MSH3: variants seen among roughly 807,000 people sequenced by gnomAD.
MSH3 encodes the protein mutS homolog 3.
In MSH3, 106 loss-of-function variants were observed where a neutral mutation model predicts 123.3. The observed-to-expected ratio is 0.86, with a 90% CI of 0.73 to 1.01. The LOEUF (loss-of-function observed/expected upper bound fraction) is 1.01, where lower values mean the gene tolerates loss of function less well. MSH3 is among the 50% of genes least tolerant of loss of function. The pLI, the probability that MSH3 is intolerant of heterozygous loss-of-function variation, is 0.00. For synonymous variants in MSH3, 515 were observed against 481.4 expected (o/e 1.07, Z -0.91); for missense variants, 1,459 against 1,347.6 (o/e 1.08, Z -1.29).
chr5:80,755,114 A>C (rs1743902560), intron 12 of MSH3, among the ~76,000 whole-genome samples: 1 of 152,120 alleles, frequency 6.6e-6, no homozygotes, highest in South Asian at 2.1e-4. Context: ...TGCGTAATTG[A>C]GAGCTGTGTT....
intron 10 of MSH3, among the ~76,000 whole-genome samples, chr5:80,729,448 GTGTGTGTGTGTGTA>G (rs1743369869): frequency 7.7e-6 from 1 of 129,784 alleles, no homozygotes; most frequent in Admixed American, 8.1e-5. Context: ...GTGTGTGTGT[GTGTGTGTGTGTGTA>G]TATATATATA....
At position 80,794,348 on chromosome 5, in the gene MSH3, A is replaced by G. The variant is rs1744661364; in HGVS notation, c.2655+1504A>G. 2.0e-5 allele frequency among the ~76,000 whole-genome samples: 3 copies of G among 152,238 alleles called. 1 individual carries two copies. In the South Asian group the frequency reaches 6.2e-4, roughly 32 times the overall value. ...ATGCAGCCTTGAGCTGTTAGAAACT[A>G]TGCTAGTGGGGTAACTTCTAAGTAG... On this transcript the variant is annotated intron_variant, in intron 19 of 23. Coordinates refer to ENST00000265081, the MANE Select transcript of MSH3 (RefSeq NM_002439.5).
chr5:80,835,152 G>A (rs1314271982), intron 20 of MSH3, among the ~76,000 whole-genome samples: 5 of 152,208 alleles, frequency 3.3e-5, no homozygotes, highest in Non-Finnish European at 5.9e-5. Flanking sequence ...CAAATTCTAT[G>A]TAGAGAGCTT....
chr5:80,843,157 A>G (rs1268438074), intron 20 of MSH3, among the ~76,000 whole-genome samples: 1 of 152,106 alleles, frequency 6.6e-6, no homozygotes, highest in Middle Eastern at 3.2e-3. Context: ...ATCTATTGAG[A>G]TAATCATGTG....
At chr5:80,738,436 C>G (rs1434144051) in intron 10 of MSH3, among the ~76,000 whole-genome samples, 4 of 152,136 alleles carry the variant, frequency 2.6e-5, no homozygotes, top group Non-Finnish European at 5.9e-5. Context: ...AGGGACAGTT[C>G]ACTTTTAGTT....
chr5:80,870,059 A>G (rs1009755859), intron 22 of MSH3, among the ~76,000 whole-genome samples: 78 of 151,132 alleles, frequency 5.2e-4, no homozygotes, highest in South Asian at 6.3e-4. Flanking sequence ...CTGTAATCCC[A>G]GCTACTCAGG....
rs1006090107 is a variant in MSH3, at chr5:80,761,254, G to A, written c.1764-292G>A. ...CGAGAATCTTGCTAGTATGCTTCCC[G>A]CCTCACAGACTGTAATCCCAGGTTC... On this transcript the variant is annotated intron_variant, in intron 12 of 23. Transcript: ENST00000265081. Among the ~76,000 whole-genome samples, 17 of 152,130 alleles carry A rather than the reference G, an allele frequency of 1.1e-4. 1 individual carries two copies. Among genetic ancestry groups the A allele is most frequent in the Admixed American group, 7.2e-4 (11 of 15,274 alleles).
At chr5:80,703,955 G>T (rs999563840) in intron 8 of MSH3, among the ~76,000 whole-genome samples, 1 of 152,090 alleles carries the variant, frequency 6.6e-6, no homozygotes, top group Non-Finnish European at 1.5e-5. Flanking sequence ...TCTGCATAGG[G>T]CGTGTTCTGT....
intron 20 of MSH3, among the ~76,000 whole-genome samples, chr5:80,821,337 G>A (rs34560430): frequency 0.16 from 24,017 of 152,138 alleles, 1,997 homozygotes; most frequent in East Asian, 0.24. Context: ...ACTCCATTGT[G>A]TATTCCCTGC....
In MSH3 at chr5:80,713,780, C is replaced by T. The variant is rs549151132; in HGVS notation, c.1341-11673C>T. On this transcript the variant is annotated intron_variant, in intron 8 of 23. Transcript: ENST00000265081. ...TCCTATGGTGGCTACCGGTATTGTT[C>T]TTGTCGCCTGCTATTCTTAAGTCTG... Among the ~76,000 whole-genome samples the T allele has an allele frequency of 2.2e-3, 241 of 110,574 alleles. 1 individual carries two copies. Among genetic ancestry groups the T allele is most frequent in the African/African-American group, 9.0e-3 (235 of 26,174 alleles). The allele number at this position is 110,574 out of a possible 152,430, so 72.5% of individuals were successfully genotyped here.
At chr5:80,844,091 A>G (rs1745675099) in intron 20 of MSH3, among the ~76,000 whole-genome samples, 2 of 151,962 alleles carry the variant, frequency 1.3e-5, no homozygotes, top group Admixed American at 1.3e-4. Flanking sequence ...AGATTCTGGT[A>G]TGTTGTGTCT....
chr5:80,705,533 T>C (rs2112841004), intron 8 of MSH3, among the ~76,000 whole-genome samples: 1 of 152,362 alleles, frequency 6.6e-6, no homozygotes, highest in Middle Eastern at 3.4e-3. Context: ...AGCCTGTCTC[T>C]CTCAATAGGT....
intron 23 of MSH3, 63 bp from the exon 24 acceptor site, chr5:80,875,688 A>T (rs963655640): frequency 1.1e-6 from 1 of 940,954 alleles, no homozygotes; most frequent in Non-Finnish European, 1.7e-6. Flanking sequence ...ATAGCTTCTG[A>T]TGAGACGTAT....
chr5:80,829,399 A>C (rs1745380330), intron 20 of MSH3, among the ~76,000 whole-genome samples: 1 of 152,156 alleles, frequency 6.6e-6, no homozygotes, highest in Non-Finnish European at 1.5e-5. Flanking sequence ...TATCAAGTTG[A>C]GGAAGTTCTC....
At chr5:80,670,585 A>G (rs1254175890) in intron 4 of MSH3, among the ~76,000 whole-genome samples, 3 of 152,182 alleles carry the variant, frequency 2.0e-5, no homozygotes, top group Non-Finnish European at 4.4e-5. Flanking sequence ...AGTTAATTGG[A>G]TGAGTCAATT....
At chr5:80,737,238 C>G (rs1743527948) in intron 10 of MSH3, among the ~76,000 whole-genome samples, 1 of 152,144 alleles carries the variant, frequency 6.6e-6, no homozygotes, top group African/African-American at 2.4e-5. Context: ...ATGTTTTCAG[C>G]AATAGATTTC....
At chr5:80,724,510 GAGA>G (rs1437442014) in intron 8 of MSH3, among the ~76,000 whole-genome samples, 1 of 152,104 alleles carries the variant, frequency 6.6e-6, no homozygotes, top group East Asian at 1.9e-4. Context: ...AAAGAAAGAA[GAGA>G]AGGAGGACAG....
intron 20 of MSH3, among the ~76,000 whole-genome samples, chr5:80,851,437 T>C (rs900259391): frequency 3.9e-5 from 6 of 152,176 alleles, no homozygotes; most frequent in Non-Finnish European, 7.3e-5. Flanking sequence ...AATTTACATA[T>C]TTGGGTGTTT....
intron 16 of MSH3, among the ~76,000 whole-genome samples, chr5:80,776,911 A>AATATATATAT (rs1300433748): frequency 7.1e-6 from 1 of 141,036 alleles, no homozygotes; most frequent in African/African-American, 2.6e-5. Context: ...ATATAATACA[A>AATATATATAT]ATATATATAT....
Sources: allele counts gnomAD v4.1 joint callset (sites outside exome capture counted in the v4.1 genomes callset), GRCh38; gene constraint gnomAD v4.1.1; transcripts MANE v1.5; gene names NCBI Gene and HGNC (gene_info 2026-07-23, HGNC 2026-07-21).